The following PKNOX2 variants were observed in gnomAD, a reference collection of about 807,000 sequenced individuals.
PKNOX2 encodes PBX/knotted 1 homeobox 2.
A neutral mutation model predicts 53.1 loss-of-function variants in PKNOX2; 14 were observed. The observed-to-expected ratio is 0.26, with a 90% CI of 0.17 to 0.41. PKNOX2 has a LOEUF of 0.41. Among genes scored for constraint, PKNOX2 ranks in the 10% least tolerant of loss-of-function variants. PKNOX2 has a pLI of 1.00. For synonymous variants in PKNOX2, 257 were observed against 242.8 expected (o/e 1.06, Z -0.54); for missense variants, 496 against 602.8 (o/e 0.82, Z 1.85).
At chr11:125,425,872 G>C (rs565525161) in intron 10 of PKNOX2, among the ~76,000 whole-genome samples, 1 of 151,626 alleles carries the variant, frequency 6.6e-6, no homozygotes, top group Non-Finnish European at 1.5e-5. Flanking sequence ...GCTGCTAAAC[G>C]CTGCTACTTA....
intron 1 of PKNOX2, among the ~76,000 whole-genome samples, chr11:125,183,033 G>A (rs1333053279): frequency 6.6e-6 from 1 of 152,094 alleles, no homozygotes; most frequent in Non-Finnish European, 1.5e-5. Flanking sequence ...CTGAAATGAG[G>A]ACCTTGACGC....
intron 3 of PKNOX2, among the ~76,000 whole-genome samples, chr11:125,343,983 G>A (rs867176948): frequency 6.6e-6 from 1 of 152,184 alleles, no homozygotes; most frequent in African/African-American, 2.4e-5. Flanking sequence ...AAACCTGGTC[G>A]GGCTGGAGTT....
At position 125,314,744 on chromosome 11, in the gene PKNOX2, T is replaced by C. The variant is rs1175195487; in HGVS notation, c.-129-17075T>C. 3.3e-5 allele frequency among the ~76,000 whole-genome samples: 5 copies of C among 152,140 alleles called. No homozygotes were observed. In the East Asian group the frequency reaches 9.7e-4, roughly 29 times the overall value. On this transcript the variant is annotated intron_variant, in intron 2 of 12. Transcript: ENST00000298282. ...TCCCCAGCCCTGCCCTGCCCTGCCC[T>C]GCCCCCGAGAGGACAAAAAACCTGG... is the stretch of plus-strand genomic sequence containing the variant.
chr11:125,274,088 A>AAAGTAATAAAT (rs1212730204), intron 2 of PKNOX2, among the ~76,000 whole-genome samples: 5 of 152,186 alleles, frequency 3.3e-5, no homozygotes, highest in Non-Finnish European at 7.4e-5. Flanking sequence ...CTTAGTGTGT[A>AAAGTAATAAAT]TTCTGTGCCT....
Position 125,221,752 on chromosome 11 carries a change from T to A in PKNOX2, c.-200-13293T>A, listed in dbSNP as rs182068920. Among the ~76,000 whole-genome samples the A allele has an allele frequency of 2.4e-3, 372 of 152,204 alleles. 3 individuals carry two copies. The highest frequency in any genetic ancestry group is 8.4e-3 in the African/African-American group (347 of 41,514). ...AATTTGTTTCAGTAGGTTTTTTTTT[T>A]AAATGCACATATAAATTATTAACCT... On this transcript the variant is annotated intron_variant, in intron 1 of 12. Coordinates refer to ENST00000298282, the MANE Select transcript of PKNOX2 (RefSeq NM_001382323.2).
chr11:125,335,812 C>T (rs886312802), intron 3 of PKNOX2, among the ~76,000 whole-genome samples: 1 of 151,912 alleles, frequency 6.6e-6, no homozygotes, highest in African/African-American at 2.4e-5. Context: ...AGGGAGACTC[C>T]TGTCTCTAAA....
In PKNOX2 at chr11:125,238,482, A is replaced by G. The variant is rs139756218; in HGVS notation, c.-130+3367A>G. 7.1e-3 allele frequency among the ~76,000 whole-genome samples: 1,078 copies of G among 152,248 alleles called. 3 individuals carry two copies. Among genetic ancestry groups the G allele is most frequent in the Non-Finnish European group, 0.013 (860 of 67,986 alleles). On this transcript the variant is annotated intron_variant, in intron 2 of 12. Coordinates refer to ENST00000298282, the MANE Select transcript of PKNOX2 (RefSeq NM_001382323.2). ...AGGAGGCTTAGAGAGCAAGAGGAAT[A>G]CCCTAGGAAGTAACAGAATTGAAAT...
chr11:125,203,494 C>T (rs1938690206), intron 1 of PKNOX2, among the ~76,000 whole-genome samples: 2 of 152,224 alleles, frequency 1.3e-5, no homozygotes, highest in Admixed American at 6.5e-5. Context: ...TTCCTTGGCC[C>T]TTCAGGGAAG....
At chr11:125,392,460 A>G (rs1237391150) in intron 6 of PKNOX2, among the ~76,000 whole-genome samples, 1 of 152,226 alleles carries the variant, frequency 6.6e-6, no homozygotes, top group East Asian at 1.9e-4. Context: ...GAATACCATT[A>G]TGATTTACTC....
intron 2 of PKNOX2, among the ~76,000 whole-genome samples, chr11:125,323,469 C>T (rs1473244816): frequency 6.6e-6 from 1 of 152,174 alleles, no homozygotes; most frequent in Non-Finnish European, 1.5e-5. Context: ...CTCTGCAAGG[C>T]ACAAGGTGTA....
chr11:125,315,303 G>GCAAAAAAAAAAAAAAAAAAAAA (rs1949087067), intron 2 of PKNOX2, among the ~76,000 whole-genome samples: 1 of 79,456 alleles, frequency 1.3e-5, no homozygotes, highest in African/African-American at 3.9e-5. Context: ...TGTGAAGCAG[G>GCAAAAAAAAAAAAAAAAAAAAA]AAAAAAAAAA....
At chr11:125,243,623 C>CTT (rs1284507032) in intron 2 of PKNOX2, among the ~76,000 whole-genome samples, 2,434 of 138,408 alleles carry the variant, frequency 0.018, 78 homozygotes, top group African/African-American at 0.06. Context: ...CTGGGACTTT[C>CTT]TTTTTTTTTT....
chr11:125,364,980 G>A (rs1756572174), intron 4 of PKNOX2, among the ~76,000 whole-genome samples: 1 of 152,074 alleles, frequency 6.6e-6, no homozygotes, highest in Non-Finnish European at 1.5e-5. Flanking sequence ...AAGGGAGGCA[G>A]CCCATTCCAG....
At chr11:125,187,830 C>T (rs914223574) in intron 1 of PKNOX2, among the ~76,000 whole-genome samples, 14 of 152,320 alleles carry the variant, frequency 9.2e-5, no homozygotes, top group African/African-American at 1.7e-4. Flanking sequence ...TCACTCCTAG[C>T]GGCCTGGGCC....
At chr11:125,228,113 A>G (rs1169888314) in intron 1 of PKNOX2, among the ~76,000 whole-genome samples, 1 of 152,200 alleles carries the variant, frequency 6.6e-6, no homozygotes, top group African/African-American at 2.4e-5. Flanking sequence ...AACAAAAAAG[A>G]TACAATAGCC....
intron 1 of PKNOX2, among the ~76,000 whole-genome samples, chr11:125,212,932 C>T (rs1055644673): frequency 1.3e-5 from 2 of 152,018 alleles, no homozygotes; most frequent in African/African-American, 2.4e-5. Context: ...CCATGTCTAC[C>T]CCATATGTAG....
rs988146753 is a variant in PKNOX2, at chr11:125,166,116, G to A, written c.-201+1340G>A. On this transcript the variant is annotated intron_variant, in intron 1 of 12. Transcript: ENST00000298282. The surrounding 1 kb of genome is among the most constrained non-coding windows in gnomAD (Gnocchi z 4.0). The stretch of plus-strand genomic sequence containing the variant: ...AGACTGTTTACGGAATCGGGATCGA[G>A]GGGCCGATAAGTAGTTTACACGCCG... Among the ~76,000 whole-genome samples, 6 of 152,256 alleles carry A rather than the reference G, an allele frequency of 3.9e-5. No homozygotes were observed. The East Asian group carries it at 1.2e-3, about 30-fold the overall frequency.
intron 3 of PKNOX2, among the ~76,000 whole-genome samples, chr11:125,332,242 C>T (rs1950184347): frequency 6.6e-6 from 1 of 152,060 alleles, no homozygotes; most frequent in African/African-American, 2.4e-5. Flanking sequence ...ATTTGTACCG[C>T]CCTCTGGAGC....
At chr11:125,206,134 CACAG>C (rs1250691938) in intron 1 of PKNOX2, among the ~76,000 whole-genome samples, 3 of 152,008 alleles carry the variant, frequency 2.0e-5, no homozygotes, top group East Asian at 1.9e-4. Flanking sequence ...TCTGCAGGCG[CACAG>C]ACAAAGGAGA....
Sources: allele counts gnomAD v4.1 joint callset (sites outside exome capture counted in the v4.1 genomes callset), GRCh38; gene constraint gnomAD v4.1.1; non-coding constraint Gnocchi (gnomAD v3.1); transcripts MANE v1.5; gene names NCBI Gene and HGNC (gene_info 2026-07-23, HGNC 2026-07-21).